Variants in ARHGAP24 observed in about 807,000 individuals in gnomAD.
ARHGAP24 encodes the protein rho GTPase-activating protein 24.
In ARHGAP24, 50 loss-of-function variants were observed where a neutral mutation model predicts 76.4. That is an observed-to-expected ratio of 0.65 (90% CI 0.52 to 0.83). The LOEUF (loss-of-function observed/expected upper bound fraction) is 0.83, where lower values mean the gene tolerates loss of function less well. Ranked by LOEUF, ARHGAP24 falls within the 40% of genes least tolerant of loss-of-function variation. ARHGAP24 has a pLI of 0.00. For missense variants in ARHGAP24, 930 were observed against 914.2 expected, an observed-to-expected ratio of 1.02 and a Z score of -0.22; for synonymous variants, 345 against 323.3, an observed-to-expected ratio of 1.07 and a Z score of -0.72.
Position 85,833,144 on chromosome 4 carries a change from C to T in ARHGAP24, c.269-90504C>T, listed in dbSNP as rs369737855. Among the ~76,000 whole-genome samples the T allele has an allele frequency of 6.6e-5, 10 of 152,304 alleles. 1 individual carries two copies. The highest frequency in any genetic ancestry group is 2.4e-4 in the African/African-American group (10 of 41,566). Reference sequence around the variant, plus strand: ...TTCTTAACTGTCCTGATTCCTAAATCTGATACTTGATTGAGGCCTCAAAGT... The same window carrying T: ...TTCTTAACTGTCCTGATTCCTAAATTTGATACTTGATTGAGGCCTCAAAGT... On this transcript the variant is annotated intron_variant, in intron 3 of 9. Transcript: ENST00000395184.
rs116134589 is a variant in ARHGAP24 at position 85,765,903 on chromosome 4, C to A, written c.268+43931C>A. Among the ~76,000 whole-genome samples, 445 of 152,298 alleles carry A rather than the reference C, an allele frequency of 2.9e-3. 2 individuals are homozygous for A. The highest frequency in any genetic ancestry group is 0.01 in the African/African-American group (421 of 41,582). ...GGAACAATAAATTTACACTCAATTG[C>A]ATAGTTGTTTTTTGCTTTGGGGTGT... On this transcript the variant is annotated intron_variant, in intron 3 of 9. Transcript: ENST00000395184.
At chr4:85,983,664 G>A (rs1399450455) in intron 8 of ARHGAP24, among the ~76,000 whole-genome samples, 1 of 152,124 alleles carries the variant, frequency 6.6e-6, no homozygotes, top group Non-Finnish European at 1.5e-5. Flanking sequence ...ACTACAGTAA[G>A]AAAGTTGTTT....
At chr4:85,817,600 G>A (rs970992214) in intron 3 of ARHGAP24, among the ~76,000 whole-genome samples, 4 of 152,088 alleles carry the variant, frequency 2.6e-5, no homozygotes, top group African/African-American at 4.8e-5. Flanking sequence ...AATAAAAAGT[G>A]GAACTTTTTC....
intron 1 of ARHGAP24, among the ~76,000 whole-genome samples, chr4:85,502,704 C>G (rs1723870739): frequency 6.6e-6 from 1 of 152,028 alleles, no homozygotes; most frequent in Non-Finnish European, 1.5e-5. Flanking sequence ...AATTGAATAC[C>G]CTCTATTTCT....
At chr4:85,485,344 T>A (rs1722986365) in intron 1 of ARHGAP24, among the ~76,000 whole-genome samples, 2 of 18,030 alleles carry the variant, frequency 1.1e-4, no homozygotes, top group Non-Finnish European at 2.0e-4. Context: ...CAAGACTCCA[T>A]CTCAAAAAAA....
At chr4:85,591,245 C>T (rs769992116) in intron 2 of ARHGAP24, among the ~76,000 whole-genome samples, 7 of 152,008 alleles carry the variant, frequency 4.6e-5, no homozygotes, top group South Asian at 2.1e-4. Flanking sequence ...GAGGCTTCAC[C>T]GCTTTGGCCA....
At chr4:85,636,602 A>G (rs1721317131) in intron 2 of ARHGAP24, among the ~76,000 whole-genome samples, 2 of 151,906 alleles carry the variant, frequency 1.3e-5, no homozygotes, top group Non-Finnish European at 2.9e-5. Context: ...AGCCATCACT[A>G]TTACGCCTTG....
chr4:85,527,325 T>C (rs916519938), intron 1 of ARHGAP24, among the ~76,000 whole-genome samples: 2 of 152,132 alleles, frequency 1.3e-5, no homozygotes, highest in Non-Finnish European at 2.9e-5. Flanking sequence ...ATCAAACTGT[T>C]TTGGATGTCA....
chr4:85,557,368 G>A (rs34662286), intron 1 of ARHGAP24, among the ~76,000 whole-genome samples: 89,940 of 151,934 alleles, frequency 0.59, 27,779 homozygotes, highest in Non-Finnish European at 0.68. Context: ...AGGACTCCAT[G>A]TGTGCTTGAG....
At chr4:85,569,069 G>A (rs1482366490) in intron 1 of ARHGAP24, among the ~76,000 whole-genome samples, 5 of 152,146 alleles carry the variant, frequency 3.3e-5, no homozygotes, top group Admixed American at 1.3e-4. Context: ...ATGACCAAGG[G>A]CTGACAATAG....
intron 2 of ARHGAP24, among the ~76,000 whole-genome samples, chr4:85,715,435 G>A (rs1334366927): frequency 1.3e-5 from 2 of 151,978 alleles, no homozygotes; most frequent in Non-Finnish European, 2.9e-5. Flanking sequence ...CTGTGTACCA[G>A]GCACTTTTGT....
intron 1 of ARHGAP24, among the ~76,000 whole-genome samples, chr4:85,480,891 A>T (rs935579255): frequency 1.9e-4 from 29 of 152,244 alleles, no homozygotes; most frequent in African/African-American, 7.0e-4. Flanking sequence ...GTTTTTTCTT[A>T]CAAATTGAAT....
intron 2 of ARHGAP24, among the ~76,000 whole-genome samples, chr4:85,601,035 G>A (rs949643778): frequency 2.6e-5 from 4 of 152,130 alleles, no homozygotes; most frequent in African/African-American, 9.7e-5. Flanking sequence ...TCAAAACATA[G>A]CAGTATTTTA....
Position 85,570,565 on chromosome 4 carries a change from G to A in ARHGAP24, c.24G>A (p.Thr8=), listed in dbSNP as rs779573890. MEENNDS[T]ENPQQGQGRQ... ...TAATGGAGGAGAACAATGACTCCAC[G>A]GAGAACCCCCAACAAGGCCAAGGGC... The change falls in exon 2 of 10, where the codon ACG becomes ACA. Residue 8 remains threonine (T), a synonymous_variant. Coordinates refer to ENST00000395184, the MANE Select transcript of ARHGAP24 (RefSeq NM_001025616.3). The A allele has an allele frequency of 3.0e-5, 48 of 1,613,810 alleles. No homozygotes were observed. The highest frequency in any genetic ancestry group is 5.3e-5 in the African/African-American group (4 of 74,846).
At chr4:85,540,085 A>C (rs112275801) in intron 1 of ARHGAP24, among the ~76,000 whole-genome samples, 18,772 of 151,882 alleles carry the variant, frequency 0.12, 3,265 homozygotes, top group African/African-American at 0.39. Flanking sequence ...AAATAAAAAT[A>C]AAAATAAACA....
At chr4:85,691,654 A>G (rs1034309915) in intron 2 of ARHGAP24, among the ~76,000 whole-genome samples, 1 of 152,190 alleles carries the variant, frequency 6.6e-6, no homozygotes, top group Non-Finnish European at 1.5e-5. Flanking sequence ...ATATAAGAAT[A>G]GTGACCCTTG....
At chr4:85,864,414 G>A (rs934549591) in intron 3 of ARHGAP24, among the ~76,000 whole-genome samples, 4 of 151,940 alleles carry the variant, frequency 2.6e-5, no homozygotes, top group African/African-American at 9.7e-5. Context: ...GTATAGCCCT[G>A]CCAAAGAAAA....
intron 2 of ARHGAP24, among the ~76,000 whole-genome samples, chr4:85,630,039 C>A (rs1387330919): frequency 5.3e-5 from 8 of 151,280 alleles, no homozygotes; most frequent in African/African-American, 1.9e-4. Flanking sequence ...TTATTCTTTT[C>A]TCTTCTTTCT....
chr4:85,918,678 T>A (rs1172936675), intron 3 of ARHGAP24, among the ~76,000 whole-genome samples: 1 of 152,146 alleles, frequency 6.6e-6, no homozygotes, highest in Non-Finnish European at 1.5e-5. Flanking sequence ...ATGTCAAGCA[T>A]CTATTTAAGA....
Sources: gnomAD v4.1 joint callset for allele counts (sites outside exome capture counted in the v4.1 genomes callset) on GRCh38, gnomAD v4.1.1 for gene constraint, MANE v1.5 for transcripts, NCBI Gene and HGNC (gene_info 2026-07-23, HGNC 2026-07-21) for gene names.